Variants in DIAPH3 observed in about 807,000 individuals in gnomAD.
The protein encoded by DIAPH3 is diaphanous related formin 3.
Under a neutral mutation model 144.3 loss-of-function variants are expected in DIAPH3, and 117 were observed. The observed-to-expected ratio is 0.81, with a 90% CI of 0.70 to 0.95. The LOEUF (loss-of-function observed/expected upper bound fraction) is 0.95, where lower values mean the gene tolerates loss of function less well. Among genes scored for constraint, DIAPH3 ranks in the 40% least tolerant of loss-of-function variants. The pLI, the probability that DIAPH3 is intolerant of heterozygous loss-of-function variation, is 0.00. For missense variants in DIAPH3, 1,421 were observed against 1,412.7 expected (o/e 1.01, Z -0.09); for synonymous variants, 519 against 488.9 (o/e 1.06, Z -0.81).
chr13:60,113,655 G>A (rs557389811), intron 2 of DIAPH3, among the ~76,000 whole-genome samples: 4 of 152,016 alleles, frequency 2.6e-5, no homozygotes, highest in Non-Finnish European at 5.9e-5. Context: ...TGCTGTTGTC[G>A]TCAACCCAAC....
intron 5 of DIAPH3, among the ~76,000 whole-genome samples, chr13:60,040,008 C>A: frequency 6.6e-6 from 1 of 151,828 alleles, no homozygotes; most frequent in Middle Eastern, 3.4e-3. Flanking sequence ...GGCCAAGGCA[C>A]GTGGATCATT....
chr13:60,096,469 A>T (rs1228542194), intron 3 of DIAPH3, among the ~76,000 whole-genome samples: 2 of 152,192 alleles, frequency 1.3e-5, no homozygotes, highest in East Asian at 3.9e-4. Context: ...GGGGTTGGTT[A>T]ATTTTAGGTG....
chr13:60,067,586 C>G lies in DIAPH3; in HGVS notation c.496-24766G>C, dbSNP rs971246280. 2.0e-5 allele frequency among the ~76,000 whole-genome samples: 3 copies of G among 152,154 alleles called. No individual in the cohort carries two copies. The South Asian group carries it at 6.2e-4, about 32-fold the overall frequency. On this transcript the variant is annotated intron_variant, in intron 4 of 27. Transcript: ENST00000400324. ...AGTAAGTCTATCTGCCATCTTCAAACTATGCCTGGAGATTTATTTTAATGT... is the reference window on the plus strand; with the variant it reads ...AGTAAGTCTATCTGCCATCTTCAAAGTATGCCTGGAGATTTATTTTAATGT...
At chr13:60,149,533 T>G (rs546006879) in intron 1 of DIAPH3, among the ~76,000 whole-genome samples, 1 of 152,148 alleles carries the variant, frequency 6.6e-6, no homozygotes, top group African/African-American at 2.4e-5. Context: ...GAAGAACTAC[T>G]TTAGCCCAAG....
intron 4 of DIAPH3, among the ~76,000 whole-genome samples, chr13:60,076,950 T>C (rs1042280254): frequency 6.6e-6 from 1 of 152,142 alleles, no homozygotes; most frequent in African/African-American, 2.4e-5. Flanking sequence ...GAGAAGTATA[T>C]ATAAATCATA....
rs188066056 is a variant in DIAPH3, at chr13:60,039,042, T to A, written c.626+3648A>T. Among the ~76,000 whole-genome samples, 37 of 152,028 alleles carry A rather than the reference T, an allele frequency of 2.4e-4. 1 individual carries two copies. The East Asian group carries it at 7.1e-3, about 29-fold the overall frequency. Reference sequence around the variant, plus strand: ...GGTGTTCAGAACTAGCTCAAAACTGTCACCGAGAATACTAGATAATCAATA... The same window carrying A: ...GGTGTTCAGAACTAGCTCAAAACTGACACCGAGAATACTAGATAATCAATA... On this transcript the variant is annotated intron_variant, in intron 5 of 27. Transcript: ENST00000400324.
intron 15 of DIAPH3, among the ~76,000 whole-genome samples, chr13:59,971,739 T>A (rs1203011331): frequency 6.6e-6 from 1 of 152,188 alleles, no homozygotes; most frequent in Non-Finnish European, 1.5e-5. Flanking sequence ...TATATAAGTA[T>A]ATCATGATCT....
In DIAPH3 at chr13:59,810,444, T is replaced by C. The variant is rs75031695; in HGVS notation, c.3163+344A>G. Among the ~76,000 whole-genome samples the C allele has an allele frequency of 3.2e-3, 493 of 152,354 alleles. 3 individuals carry two copies. Among genetic ancestry groups the C allele is most frequent in the African/African-American group, 0.011 (447 of 41,582 alleles). The stretch of plus-strand genomic sequence containing the variant: ...TGAAGAAACCGGGTTACATGTCCTA[T>C]AGAATTTTCCACAGTCCATTTCTGA... On this transcript the variant is annotated intron_variant, in intron 25 of 27. Transcript: ENST00000400324.
chr13:59,714,340 A>G (rs1252881418), intron 27 of DIAPH3, among the ~76,000 whole-genome samples: 2 of 122,868 alleles, frequency 1.6e-5, no homozygotes, highest in Non-Finnish European at 3.2e-5. Flanking sequence ...AGCCTGGGCG[A>G]CAGAGCGAGA....
intron 27 of DIAPH3, among the ~76,000 whole-genome samples, chr13:59,767,080 C>A (rs1412195890): frequency 2.0e-5 from 3 of 152,146 alleles, no homozygotes; most frequent in African/African-American, 4.8e-5. Context: ...AGTTGTATGA[C>A]CCAGATGAGC....
chr13:59,771,892 A>T (rs2038142870), intron 27 of DIAPH3, among the ~76,000 whole-genome samples: 1 of 152,000 alleles, frequency 6.6e-6, no homozygotes, highest in Admixed American at 6.6e-5. Context: ...CTCAGTAAAC[A>T]TTAGCTTATT....
At chr13:59,934,024 A>G (rs569837698) in intron 17 of DIAPH3, among the ~76,000 whole-genome samples, 7 of 152,274 alleles carry the variant, frequency 4.6e-5, no homozygotes, top group Admixed American at 4.6e-4. Context: ...TAGGAGTAAG[A>G]TTTCATATAA....
chr13:59,674,416 A>T (rs747086381), intron 27 of DIAPH3, among the ~76,000 whole-genome samples: 1 of 152,296 alleles, frequency 6.6e-6, no homozygotes, highest in Non-Finnish European at 1.5e-5. Flanking sequence ...ATGCTCTATC[A>T]TGATATTGCC....
chr13:59,683,703 C>T (rs974436953), intron 27 of DIAPH3, among the ~76,000 whole-genome samples: 3 of 152,184 alleles, frequency 2.0e-5, no homozygotes, highest in Non-Finnish European at 4.4e-5. Context: ...GTTTGAGACA[C>T]GTTTGTCCCA....
At chr13:59,999,529 A>G (rs948398414) in intron 9 of DIAPH3, among the ~76,000 whole-genome samples, 1 of 152,146 alleles carries the variant, frequency 6.6e-6, no homozygotes, top group African/African-American at 2.4e-5. Flanking sequence ...TAAATGGCCT[A>G]CAGCCCCAGC....
At chr13:60,014,351 A>G (rs1019935797) in intron 7 of DIAPH3, among the ~76,000 whole-genome samples, 22 of 152,158 alleles carry the variant, frequency 1.4e-4, no homozygotes, top group African/African-American at 5.1e-4. Flanking sequence ...GTAAAAAGCT[A>G]CCTTATATAT....
At chr13:60,105,104 A>AAAAAAAAC (rs71197282) in intron 3 of DIAPH3, among the ~76,000 whole-genome samples, 18,505 of 65,728 alleles carry the variant, frequency 0.28, 3,156 homozygotes, top group Non-Finnish European at 0.34. Context: ...GATCTCAAAA[A>AAAAAAAAC]AAAAAAAAAA....
intron 1 of DIAPH3, among the ~76,000 whole-genome samples, chr13:60,142,979 C>G (rs1951342421): frequency 1.3e-5 from 2 of 151,770 alleles, no homozygotes; most frequent in African/African-American, 4.8e-5. Flanking sequence ...TCTTAAACTC[C>G]TAGCCTCAAG....
At chr13:59,824,760 A>G (rs957822471) in intron 24 of DIAPH3, among the ~76,000 whole-genome samples, 11 of 152,182 alleles carry the variant, frequency 7.2e-5, no homozygotes, top group African/African-American at 2.7e-4. Flanking sequence ...GTGTGCAATA[A>G]TAATCTTTTT....
Sources: gnomAD v4.1 joint callset for allele counts (sites outside exome capture counted in the v4.1 genomes callset) on GRCh38, gnomAD v4.1.1 for gene constraint, MANE v1.5 for transcripts, NCBI Gene and HGNC (gene_info 2026-07-23, HGNC 2026-07-21) for gene names.